The following EPB41L1 variants were observed in gnomAD, a reference collection of about 807,000 sequenced individuals.
The protein encoded by EPB41L1 is band 4.1-like protein 1.
A neutral mutation model predicts 97.8 loss-of-function variants in EPB41L1; 29 were observed. The ratio of observed to expected loss-of-function variants is 0.30; its 90% confidence interval spans 0.22 to 0.40. The LOEUF (loss-of-function observed/expected upper bound fraction) is 0.40. EPB41L1 is among the 10% of genes least tolerant of loss of function. The pLI is 1.00. For synonymous variants in EPB41L1, 383 were observed against 459.2 expected, an observed-to-expected ratio of 0.83 and a Z score of 2.12; for missense variants, 812 against 1,162.3, an observed-to-expected ratio of 0.70 and a Z score of 4.38.
At chr20:36,116,430 C>T (rs561106011) in intron 2 of EPB41L1, among the ~76,000 whole-genome samples, 40 of 152,188 alleles carry the variant, frequency 2.6e-4, no homozygotes, top group Non-Finnish European at 5.3e-4. Context: ...GAGGTTTGAT[C>T]TTCTCCAGGA....
intron 14 of EPB41L1, among the ~76,000 whole-genome samples, chr20:36,201,600 T>C (rs1287000486): frequency 1.3e-5 from 2 of 152,214 alleles, no homozygotes; most frequent in South Asian, 2.1e-4. Flanking sequence ...CAGGCAAAAG[T>C]GGACATCTTT....
intron 16 of EPB41L1, among the ~76,000 whole-genome samples, chr20:36,213,902 A>C (rs2063287016): frequency 6.6e-6 from 1 of 152,192 alleles, no homozygotes; most frequent in African/African-American, 2.4e-5. Context: ...CCTTGTTGGC[A>C]TACATAGACC....
chr20:36,158,078 C>T (rs1433571961), intron 1 of EPB41L1, among the ~76,000 whole-genome samples: 2 of 146,658 alleles, frequency 1.4e-5, no homozygotes, highest in Non-Finnish European at 1.5e-5. Context: ...TTATTCTTCC[C>T]GTTTTACAGA....
intron 2 of EPB41L1, among the ~76,000 whole-genome samples, chr20:36,135,370 G>A (rs183988810): frequency 5.2e-4 from 79 of 152,246 alleles, no homozygotes; most frequent in African/African-American, 1.8e-3. Context: ...CAGAGCCCAC[G>A]GTCTTGGCCT....
rs1212783240 is a variant in EPB41L1, at chr20:36,093,885, C to T, written c.-65+2273C>T. Among the ~76,000 whole-genome samples the T allele has an allele frequency of 6.6e-6, 1 of 152,036 alleles. No homozygotes were observed. The highest frequency in any genetic ancestry group is 1.5e-5 in the Non-Finnish European group (1 of 67,984). ...CACCAGACCTAGCCTGTGCCAGTCT[C>T]ACCCGTGCAGGGCTCTGGGTGGGTG... is the stretch of plus-strand genomic sequence containing the variant. On this transcript the variant is annotated intron_variant, in intron 1 of 19. Coordinates refer to the EPB41L1 transcript ENST00000202028. This position sits in a 1 kb window ranked among gnomAD's most constrained non-coding sequence, Gnocchi z 5.4.
chr20:36,160,007 A>G (rs1356861220), intron 1 of EPB41L1, among the ~76,000 whole-genome samples: 3 of 152,232 alleles, frequency 2.0e-5, no homozygotes, highest in African/African-American at 7.2e-5. Context: ...AGTATCCATG[A>G]ACATTAGTGG....
At chr20:36,184,802 A>G (rs746824972) in intron 6 of EPB41L1, among the ~76,000 whole-genome samples, 6 of 152,368 alleles carry the variant, frequency 3.9e-5, no homozygotes, top group Non-Finnish European at 8.8e-5. Context: ...AATTAAAACT[A>G]TACGACATTT....
chr20:36,118,159 T>C (rs2058643977), intron 2 of EPB41L1, among the ~76,000 whole-genome samples: 1 of 152,150 alleles, frequency 6.6e-6, no homozygotes. Flanking sequence ...ACTGGACTAA[T>C]ACGATGGGCC....
At chr20:36,098,077 C>G (rs2057891230) in intron 1 of EPB41L1, among the ~76,000 whole-genome samples, 1 of 152,158 alleles carries the variant, frequency 6.6e-6, no homozygotes, top group Non-Finnish European at 1.5e-5. Flanking sequence ...CAATGGGAGG[C>G]CCCACTGGGG....
Position 36,214,440 on chromosome 20 carries a change from G to GGT in EPB41L1, c.2268+1_2268+2dup. The GGT allele has an allele frequency of 6.2e-7, 1 of 1,612,514 alleles. No individual in the cohort carries two copies. The highest frequency in any genetic ancestry group is 8.5e-7 in the Non-Finnish European group (1 of 1,179,602). On this transcript the variant is annotated frameshift_variant and splice_region_variant. Transcript: ENST00000338074. ...CCACGGAGACCATATCGACCACCAT[G>GGT]GTAAGTTGAACCCAGGAGGCTTCCC...
chr20:36,186,762 A>G (rs1182693239), intron 7 of EPB41L1, among the ~76,000 whole-genome samples: 1 of 152,208 alleles, frequency 6.6e-6, no homozygotes, highest in African/African-American at 2.4e-5. Context: ...CTGGAGAAAT[A>G]CTAAGGGCTG....
rs2057716922 is a variant in EPB41L1, at chr20:36,093,273, G to C, written c.-65+1661G>C. On this transcript the variant is annotated intron_variant, in intron 1 of 19. Coordinates refer to the EPB41L1 transcript ENST00000202028. This position sits in a 1 kb window ranked among gnomAD's most constrained non-coding sequence, Gnocchi z 5.4. ...TAGCAGTGTGTACACCTCTGGGTGA[G>C]GGCGTGTGCCAGTGGCTTCGCTTGT... 6.6e-6 allele frequency among the ~76,000 whole-genome samples: 1 copy of C among 152,136 alleles called. No individual in the cohort carries two copies. The highest frequency in any genetic ancestry group is 2.4e-5 in the African/African-American group (1 of 41,414).
intron 21 of EPB41L1, among the ~76,000 whole-genome samples, chr20:36,224,326 T>A (rs547008566): frequency 3.1e-4 from 47 of 152,304 alleles, no homozygotes; most frequent in African/African-American, 1.1e-3. Context: ...AAGGGATACA[T>A]CAGGTTAGGT....
chr20:36,171,841 C>T (rs925162909), intron 1 of EPB41L1, among the ~76,000 whole-genome samples: 3 of 152,156 alleles, frequency 2.0e-5, no homozygotes, highest in Admixed American at 2.0e-4. Context: ...AGAGGGCGTG[C>T]CATGCCAGTC....
At chr20:36,115,122 G>C (rs1423362247) in intron 2 of EPB41L1, among the ~76,000 whole-genome samples, 6 of 152,176 alleles carry the variant, frequency 3.9e-5, no homozygotes, top group Non-Finnish European at 8.8e-5. Flanking sequence ...TCATTTAACT[G>C]TCATGACAGT....
In EPB41L1 at chr20:36,100,762, G is replaced by T. The variant is rs553035234; in HGVS notation, c.-65+9150G>T. Reference sequence around the variant, plus strand: ...GGAGCATTTAGGTGTCCACAGAGGGGCATGCATTTGCTCAAATTCAGAGAA... The same window carrying T: ...GGAGCATTTAGGTGTCCACAGAGGGTCATGCATTTGCTCAAATTCAGAGAA... On this transcript the variant is annotated intron_variant, in intron 1 of 19. Coordinates refer to the EPB41L1 transcript ENST00000202028. Among the ~76,000 whole-genome samples the T allele has an allele frequency of 2.0e-5, 3 of 152,302 alleles. No individual in the cohort carries two copies. The East Asian group carries it at 5.8e-4, about 29-fold the overall frequency.
chr20:36,168,262 C>T (rs969925322), intron 1 of EPB41L1, among the ~76,000 whole-genome samples: 3 of 152,218 alleles, frequency 2.0e-5, no homozygotes, highest in African/African-American at 4.8e-5. Flanking sequence ...CCCTTTCCCC[C>T]AGACAGAGTA....
At position 36,212,569 on chromosome 20, in the gene EPB41L1, G is replaced by C. The variant is rs2063196253; in HGVS notation, c.2184+193G>C. Among the ~76,000 whole-genome samples the C allele has an allele frequency of 6.6e-6, 1 of 152,172 alleles. No homozygotes were observed. The highest frequency in any genetic ancestry group is 1.5e-5 in the Non-Finnish European group (1 of 68,032). ...TGGGGAGGGGCAACGGGTAAAGCAG[G>C]TTCCTGTCCTGGGCAGACCATACTT... On this transcript the variant is annotated intron_variant, in intron 16 of 21. Coordinates refer to ENST00000338074, the MANE Select transcript of EPB41L1 (RefSeq NM_012156.2). This position sits in a 1 kb window ranked among gnomAD's most constrained non-coding sequence, Gnocchi z 4.8.
chr20:36,205,386 T>C (rs780523338), intron 14 of EPB41L1, among the ~76,000 whole-genome samples: 52 of 152,226 alleles, frequency 3.4e-4, no homozygotes, highest in Non-Finnish European at 6.2e-4. Context: ...TCTAGACCTG[T>C]TTCCTCATTT....
Sources: gnomAD v4.1 joint callset for allele counts (sites outside exome capture counted in the v4.1 genomes callset) on GRCh38, gnomAD v4.1.1 for gene constraint, Gnocchi (gnomAD v3.1) non-coding constraint, MANE v1.5 for transcripts, NCBI Gene and HGNC (gene_info 2026-07-23, HGNC 2026-07-21) for gene names.